The following RALGDS variants were observed in gnomAD, a reference collection of about 807,000 sequenced individuals.
RALGDS encodes the protein ral guanine nucleotide dissociation stimulator, also known as ral guanine nucleotide exchange factor.
RALGDS carries 44 observed loss-of-function variants against 99.8 expected under a neutral mutation model. The observed-to-expected ratio is 0.44, with a 90% CI of 0.35 to 0.57. RALGDS has a LOEUF of 0.57. Ranked by LOEUF, RALGDS falls within the 20% of genes least tolerant of loss-of-function variation. The pLI is 0.01. For synonymous variants in RALGDS, 529 were observed against 505.0 expected (o/e 1.05, Z -0.64); for missense variants, 1,022 against 1,203.1 (o/e 0.85, Z 2.23).
At chr9:133,103,937 G>C in intron 10 of RALGDS, 104 bp from the exon 11 acceptor site, 1 of 1,081,932 alleles carries the variant, frequency 9.2e-7, no homozygotes, top group Non-Finnish European at 1.4e-6. Flanking sequence ...GACCTCTGGG[G>C]GCCTCCTGGG....
At chr9:133,101,444 C>A in intron 16 of RALGDS, 76 bp downstream of exon 16, 1 of 1,603,050 alleles carries the variant, frequency 6.2e-7, no homozygotes, top group Non-Finnish European at 8.5e-7. Context: ...CCCGGGAGGG[C>A]AGGGATGGTG....
chr9:133,103,680 C>A, intron 11 of RALGDS, 67 bp downstream of exon 11: 1 of 1,520,208 alleles, frequency 6.6e-7, no homozygotes, highest in Non-Finnish European at 9.1e-7. Flanking sequence ...TGTGGCAGCC[C>A]AGCCCCCAGG....
chr9:133,141,848 G>A (rs976382370), intron 1 of RALGDS, among the ~76,000 whole-genome samples: 2 of 152,208 alleles, frequency 1.3e-5, no homozygotes, highest in Non-Finnish European at 2.9e-5. Flanking sequence ...ATAGTCAGTC[G>A]GTATCAAAGT....
upstream of RALGDS, among the ~76,000 whole-genome samples, chr9:133,133,394 T>G (rs1296021093): frequency 2.6e-5 from 4 of 152,166 alleles, no homozygotes; most frequent in Non-Finnish European, 5.9e-5. Flanking sequence ...AGCAGGGCCA[T>G]GCACCCCTCC....
At chr9:133,103,596 T>A in intron 11 of RALGDS, 151 bp downstream of exon 11, 3 of 862,484 alleles carry the variant, frequency 3.5e-6, no homozygotes, top group Admixed American at 3.5e-5. Flanking sequence ...CAAACCCTGC[T>A]GCAGCTCTGT....
rs1831176413 is a variant in RALGDS, at chr9:133,108,385, A to G, written c.800T>C (p.Leu267Pro). The change falls in exon 6 of 18, where the codon CTA (leucine) becomes CCA (proline). Residue 267 changes from leucine to proline, a missense_variant. Physicochemically the swap from Leu to Pro is moderately conservative, Grantham distance 98 (BLOSUM62 -3). This residue lies in a region of RALGDS where 825 missense variants were observed against 994.5 expected (regional missense o/e 0.83). Transcript: ENST00000372050. ...TAGCTCGAGCTCTGGAGTTGGTTTT[A>G]GAGCTGGCACTGGTGACAGAGCTGC... ...EPEALSPVPALKPTPELELAL... is the reference protein window; with the variant it reads ...EPEALSPVPAPKPTPELELAL... 1 of 1,536,956 alleles carries G rather than the reference A, an allele frequency of 6.5e-7. No individual in the cohort carries two copies. Among genetic ancestry groups the G allele is most frequent in the African/African-American group, 1.4e-5 (1 of 73,034 alleles).
At chr9:133,147,629 C>T (rs1832645541) in intron 1 of RALGDS, among the ~76,000 whole-genome samples, 1 of 152,166 alleles carries the variant, frequency 6.6e-6, no homozygotes, top group Non-Finnish European at 1.5e-5. Context: ...CAGAGGGACC[C>T]TGCCGGGCTC....
upstream of RALGDS, among the ~76,000 whole-genome samples, chr9:133,134,641 G>A (rs1255458009): frequency 6.6e-6 from 1 of 152,144 alleles, no homozygotes; most frequent in African/African-American, 2.4e-5. Flanking sequence ...ACACAGACTT[G>A]ACGCTGCTGG....
chr9:133,148,866 G>T, intron 1 of RALGDS: 1 of 1,461,736 alleles, frequency 6.8e-7, no homozygotes. Flanking sequence ...GCTCAGCGTG[G>T]ACGCGGCGCC....
chr9:133,127,509 A>T (rs1832197446), intron 1 of RALGDS, among the ~76,000 whole-genome samples: 1 of 152,202 alleles, frequency 6.6e-6, no homozygotes, highest in South Asian at 2.1e-4. Context: ...TGAGGCCTGG[A>T]CACGCTCCTT....
intron 1 of RALGDS, among the ~76,000 whole-genome samples, chr9:133,129,769 C>A (rs954815791): frequency 4.0e-5 from 6 of 151,764 alleles, no homozygotes; most frequent in African/African-American, 1.5e-4. Flanking sequence ...TAGACCTGAG[C>A]TCTTCCATCC....
At chr9:133,136,725 C>T (rs559901983) in intron 1 of RALGDS, among the ~76,000 whole-genome samples, 29 of 152,082 alleles carry the variant, frequency 1.9e-4, no homozygotes, top group Non-Finnish European at 3.4e-4. Context: ...TGACCAAGAT[C>T]GTGCCACTGC....
At position 133,107,281 on chromosome 9, in the gene RALGDS, A is replaced by C. The variant is rs1233751964; in HGVS notation, c.1217T>G (p.Val406Gly). 6.2e-7 allele frequency: 1 copy of C among 1,613,458 alleles called. No homozygotes were observed. Among genetic ancestry groups the C allele is most frequent in the Non-Finnish European group, 8.5e-7 (1 of 1,179,926 alleles). ...LMDAELFKKVVPYHCLGSIWS... is the reference protein window; with the variant it reads ...LMDAELFKKVGPYHCLGSIWS... ...GATGGAGCCCAGGCAGTGGTAGGGCACCACCTTCTTGAACAGTTCCTGGGG... is the reference window on the plus strand; with the variant it reads ...GATGGAGCCCAGGCAGTGGTAGGGCCCCACCTTCTTGAACAGTTCCTGGGG... Residue 406 changes from valine to glycine, a missense_variant, in exon 7 of 18, where the codon GTG becomes GGG. Around this residue, in one of 3 missense-constraint regions of RALGDS, gnomAD observed 825 missense variants for 994.5 expected, o/e 0.83. Transcript: ENST00000372050.
At chr9:133,103,102 C>A in intron 12 of RALGDS, 128 bp downstream of exon 12, 1 of 1,407,248 alleles carries the variant, frequency 7.1e-7, no homozygotes, top group Non-Finnish European at 9.9e-7. Context: ...GGGAGGGGAC[C>A]CCCTTCTCTC....
rs558324801 is a variant in RALGDS at position 133,129,110 on chromosome 9, C to A, written c.132+1842G>T. 1.3e-4 allele frequency: 199 copies of A among 1,564,340 alleles called. No individual in the cohort carries two copies. The African/African-American group carries it at 2.4e-3, about 19-fold the overall frequency. ...GGTGACCCACCCAGCCCCTCCCCGG[C>A]AGAGGCACTGGTTGCCCTGGAAACT... On this transcript the variant is annotated intron_variant, in intron 1 of 17. Coordinates refer to the RALGDS transcript ENST00000372062.
At chr9:133,104,663 A>G (rs549226793) in intron 9 of RALGDS, 56 of 308,482 alleles carry the variant, frequency 1.8e-4, no homozygotes, top group African/African-American at 1.0e-3. Context: ...AAATACAAAA[A>G]TTACCTGGGT....
intron 1 of RALGDS, among the ~76,000 whole-genome samples, chr9:133,148,128 G>A (rs1832655977): frequency 1.3e-5 from 2 of 152,264 alleles, no homozygotes; most frequent in Non-Finnish European, 1.5e-5. Context: ...GGTAGTGGGG[G>A]CATCCCCAGT....
intron 16 of RALGDS, chr9:133,101,307 TG>T: frequency 7.1e-7 from 1 of 1,404,900 alleles, no homozygotes; most frequent in Non-Finnish European, 9.7e-7. Flanking sequence ...CTTCAGCTCC[TG>T]GGGGCTTTGC....
intron 1 of RALGDS, chr9:133,129,089 A>G: frequency 4.3e-5 from 48 of 1,116,288 alleles, no homozygotes; most frequent in Non-Finnish European, 5.2e-5. Flanking sequence ...CTCGGCGGTG[A>G]CCCACCCAGC....
Sources: gnomAD v4.1 joint callset for allele counts (sites outside exome capture counted in the v4.1 genomes callset) on GRCh38, gnomAD v4.1.1 for gene constraint, gnomAD v4.1.1 regional missense constraint, MANE v1.5 for transcripts, NCBI Gene and HGNC (gene_info 2026-07-23, HGNC 2026-07-21) for gene names.